Variants in UTRN observed in about 807,000 individuals in gnomAD.
UTRN encodes utrophin, also known as dystrophin-related protein 1.
A neutral mutation model predicts 463.9 loss-of-function variants in UTRN; 283 were observed. The ratio of observed to expected loss-of-function variants is 0.61; its 90% CI spans 0.55 to 0.67. The LOEUF is 0.67. Among genes scored for constraint, UTRN ranks in the 30% least tolerant of loss-of-function variants. UTRN has a pLI of 0.00. For synonymous variants in UTRN, 1,442 were observed against 1,431.5 expected (o/e 1.01, Z -0.17); for missense variants, 3,922 against 4,084.3 (o/e 0.96, Z 1.08).
At chr6:144,650,369 A>G (rs1456532979) in intron 51 of UTRN, among the ~76,000 whole-genome samples, 1 of 152,242 alleles carries the variant, frequency 6.6e-6, no homozygotes, top group Non-Finnish European at 1.5e-5. Context: ...ATATTTTGAT[A>G]TTTAAGTAGT....
chr6:144,484,276 T>C (rs758949461), intron 27 of UTRN, among the ~76,000 whole-genome samples: 1 of 152,020 alleles, frequency 6.6e-6, no homozygotes, highest in Non-Finnish European at 1.5e-5. Context: ...TCCTCATGAA[T>C]TTAGAAAAAA....
chr6:144,620,804 CA>C (rs1461777803), intron 51 of UTRN, among the ~76,000 whole-genome samples: 3 of 152,020 alleles, frequency 2.0e-5, no homozygotes, highest in African/African-American at 7.3e-5. Flanking sequence ...AGTGAAATAG[CA>C]GCTTTGAGGT....
intron 51 of UTRN, among the ~76,000 whole-genome samples, chr6:144,597,629 T>G (rs375462727): frequency 3.9e-5 from 6 of 152,344 alleles, no homozygotes; most frequent in African/African-American, 1.4e-4. Context: ...TTTGTCTTTC[T>G]TATTCATCAA....
At chr6:144,838,191 AC>A (rs1157054031) in intron 71 of UTRN, among the ~76,000 whole-genome samples, 3 of 152,106 alleles carry the variant, frequency 2.0e-5, no homozygotes, top group African/African-American at 7.2e-5. Context: ...TTTTCTGTTC[AC>A]CCTTGCCTTC....
chr6:144,519,727 G>A (rs12193683), intron 39 of UTRN, among the ~76,000 whole-genome samples: 1 of 152,072 alleles, frequency 6.6e-6, no homozygotes, highest in South Asian at 2.1e-4. Flanking sequence ...AAAAATCCTG[G>A]ATTGTCCTAT....
At chr6:144,744,257 A>C (rs913587028) in intron 54 of UTRN, among the ~76,000 whole-genome samples, 2 of 148,162 alleles carry the variant, frequency 1.3e-5, no homozygotes, top group African/African-American at 2.5e-5. Context: ...ACTGCACTTC[A>C]GCTGGGGCAA....
chr6:144,572,478 T>C (rs759318500), intron 50 of UTRN, among the ~76,000 whole-genome samples: 1 of 152,134 alleles, frequency 6.6e-6, no homozygotes. Flanking sequence ...TTGCTGCACC[T>C]ATCAACCTGT....
rs558735481 is a variant in UTRN at position 144,477,221 on chromosome 6, A to G, written c.3336+2462A>G. ...ATTAGTGGAATAATAGTGAGGCTAT[A>G]TATAGCTGAAGTGAGTGACAAAGCA... On this transcript the variant is annotated intron_variant, in intron 25 of 74. Coordinates refer to ENST00000367545, the MANE Select transcript of UTRN (RefSeq NM_007124.3). 1.4e-3 allele frequency among the ~76,000 whole-genome samples: 216 copies of G among 152,282 alleles called. 2 individuals carry two copies. The highest frequency in any genetic ancestry group is 4.9e-3 in the African/African-American group (202 of 41,558).
intron 53 of UTRN, among the ~76,000 whole-genome samples, chr6:144,711,809 C>A (rs1586157432): frequency 1.3e-5 from 2 of 152,194 alleles, no homozygotes; most frequent in African/African-American, 4.8e-5. Flanking sequence ...CTTTGCTTAA[C>A]CCAGTTTATT....
intron 60 of UTRN, among the ~76,000 whole-genome samples, chr6:144,779,420 T>G (rs1323611555): frequency 6.6e-6 from 1 of 152,196 alleles, no homozygotes; most frequent in African/African-American, 2.4e-5. Context: ...ATATTTGATA[T>G]GCTATGTAAT....
chr6:144,606,794 TTGAGGTG>T (rs1804893452), intron 51 of UTRN, among the ~76,000 whole-genome samples: 1 of 152,230 alleles, frequency 6.6e-6, no homozygotes, highest in Non-Finnish European at 1.5e-5. Context: ...GAATTTCTGT[TTGAGGTG>T]TAAGTGCCAA....
intron 2 of UTRN, among the ~76,000 whole-genome samples, chr6:144,311,203 C>T (rs1444579800): frequency 6.6e-6 from 1 of 152,180 alleles, no homozygotes; most frequent in East Asian, 1.9e-4. Flanking sequence ...GATGCGAATA[C>T]TTCACTTGGT....
At chr6:144,631,110 C>A (rs1341719072) in intron 51 of UTRN, among the ~76,000 whole-genome samples, 6 of 151,962 alleles carry the variant, frequency 3.9e-5, no homozygotes, top group African/African-American at 1.5e-4. Context: ...TGTAGCTGAA[C>A]CTGCTAAGTG....
At chr6:144,750,044 A>G (rs1009456611) in intron 55 of UTRN, among the ~76,000 whole-genome samples, 1 of 152,202 alleles carries the variant, frequency 6.6e-6, no homozygotes, top group African/African-American at 2.4e-5. Flanking sequence ...ATATTAATGC[A>G]TATAGCTAAA....
chr6:144,715,988 A>G (rs1445336099), intron 53 of UTRN, among the ~76,000 whole-genome samples: 1 of 152,152 alleles, frequency 6.6e-6, no homozygotes, highest in African/African-American at 2.4e-5. Context: ...GTAATAACTG[A>G]AATAGAAGTG....
chr6:144,535,530 A>T (rs1412027587), intron 43 of UTRN, among the ~76,000 whole-genome samples: 1 of 152,172 alleles, frequency 6.6e-6, no homozygotes, highest in Admixed American at 6.5e-5. Context: ...GTTTTTACTC[A>T]TTTTTTGGAA....
At chr6:144,516,417 T>G in intron 38 of UTRN, 30 bp downstream of exon 38, 1 of 1,586,070 alleles carries the variant, frequency 6.3e-7, no homozygotes, top group Non-Finnish European at 8.6e-7. Flanking sequence ...AAAACCATGG[T>G]GGTCTCATTT....
intron 48 of UTRN, among the ~76,000 whole-genome samples, chr6:144,552,711 C>A (rs1365642930): frequency 1.3e-5 from 2 of 152,066 alleles, no homozygotes; most frequent in African/African-American, 4.8e-5. Flanking sequence ...CCAATAGTAA[C>A]CTCGTTTTAG....
intron 51 of UTRN, among the ~76,000 whole-genome samples, chr6:144,620,193 A>G (rs1311287302): frequency 6.6e-6 from 1 of 152,142 alleles, no homozygotes; most frequent in African/African-American, 2.4e-5. Flanking sequence ...AGAATGGAAA[A>G]TGTCACTACT....
Sources: gnomAD v4.1 joint callset for allele counts (sites outside exome capture counted in the v4.1 genomes callset) on GRCh38, gnomAD v4.1.1 for gene constraint, MANE v1.5 for transcripts, NCBI Gene and HGNC (gene_info 2026-07-23, HGNC 2026-07-21) for gene names.